LRRC8D: variants seen among roughly 807,000 people sequenced by gnomAD.
The protein encoded by LRRC8D is volume-regulated anion channel subunit LRRC8D.
Under a neutral mutation model 55.8 loss-of-function variants are expected in LRRC8D, and 20 were observed. The ratio of observed to expected loss-of-function variants is 0.36; its 90% CI spans 0.25 to 0.52. The LOEUF is 0.52. Among genes scored for constraint, LRRC8D ranks in the 20% least tolerant of loss-of-function variants. LRRC8D has a pLI of 0.93. For missense variants in LRRC8D, 651 were observed against 1,030.8 expected, an observed-to-expected ratio of 0.63 and a Z score of 5.05; for synonymous variants, 352 against 377.0, an observed-to-expected ratio of 0.93 and a Z score of 0.77.
chr1:89,837,277 G>C (rs1661024003), intron 1 of LRRC8D, among the ~76,000 whole-genome samples: 1 of 152,042 alleles, frequency 6.6e-6, no homozygotes, highest in Admixed American at 6.6e-5. Flanking sequence ...TGTGGCCCAG[G>C]CTCTGCATCC....
chr1:89,829,802 G>A (rs544087678), intron 1 of LRRC8D, among the ~76,000 whole-genome samples: 1 of 152,104 alleles, frequency 6.6e-6, no homozygotes, highest in Non-Finnish European at 1.5e-5. Flanking sequence ...GAATTGAGAG[G>A]GTAACTTTAA....
chr1:89,933,966 G>T lies in LRRC8D; in HGVS notation c.898G>T (p.Asp300Tyr). The T allele has an allele frequency of 6.2e-7, 1 of 1,614,182 alleles. No homozygotes were observed. Among genetic ancestry groups the T allele is most frequent in the Non-Finnish European group, 8.5e-7 (1 of 1,180,016 alleles). Residue 300 changes from aspartate to tyrosine, a missense_variant, in exon 3 of 3, where the codon GAT (aspartate) becomes TAT (tyrosine). Physicochemically the swap from Asp to Tyr is radical, Grantham distance 160. This residue lies in a region of LRRC8D where 178 missense variants were observed against 374.9 expected (regional missense o/e 0.47). Coordinates refer to ENST00000337338, the MANE Select transcript of LRRC8D (RefSeq NM_001134479.2). The surrounding 1 kb of genome is among the most constrained non-coding windows in gnomAD (Gnocchi z 7.0). ...GAGGAAGTTCCGTGCCCATGTGGAA[G>T]ATAGTGACTTGATCTATAAACTCTA... ...KVRKFRAHVEDSDLIYKLYVV... is the reference protein window; with the variant it reads ...KVRKFRAHVEYSDLIYKLYVV...
chr1:89,876,907 T>TA (rs1398113045), intron 2 of LRRC8D, among the ~76,000 whole-genome samples: 1 of 152,238 alleles, frequency 6.6e-6, no homozygotes, highest in East Asian at 1.9e-4. Context: ...TCCAATTTGG[T>TA]AGCCACTGGC....
At chr1:89,846,627 C>A (rs1252384484) in intron 2 of LRRC8D, 1 of 152,100 alleles carries the variant, frequency 6.6e-6, no homozygotes, top group African/African-American at 2.4e-5. Flanking sequence ...TTTCGTTATA[C>A]CTCTTCACTC....
At chr1:89,824,964 A>G (rs1237575081) in intron 1 of LRRC8D, among the ~76,000 whole-genome samples, 2 of 152,216 alleles carry the variant, frequency 1.3e-5, no homozygotes, top group African/African-American at 4.8e-5. Flanking sequence ...TGTTTTGGAT[A>G]GTCAAAACCC....
At chr1:89,910,859 T>TA (rs1663117726) in intron 2 of LRRC8D, among the ~76,000 whole-genome samples, 1 of 152,126 alleles carries the variant, frequency 6.6e-6, no homozygotes, top group Non-Finnish European at 1.5e-5. Flanking sequence ...GTAGCCTCAG[T>TA]GTTGAATGGC....
At chr1:89,835,778 C>T (rs1660991867) in intron 1 of LRRC8D, among the ~76,000 whole-genome samples, 1 of 152,238 alleles carries the variant, frequency 6.6e-6, no homozygotes, top group Non-Finnish European at 1.5e-5. Flanking sequence ...GTTCCTGGCA[C>T]ATAGTTAACA....
At chr1:89,832,618 T>C (rs993366501) in intron 1 of LRRC8D, among the ~76,000 whole-genome samples, 1 of 152,226 alleles carries the variant, frequency 6.6e-6, no homozygotes, top group African/African-American at 2.4e-5. Context: ...GTTCAGGTTT[T>C]CTTGCACTGT....
intron 1 of LRRC8D, among the ~76,000 whole-genome samples, chr1:89,833,088 A>T (rs961038564): frequency 6.6e-6 from 1 of 152,212 alleles, no homozygotes; most frequent in African/African-American, 2.4e-5. Flanking sequence ...GGACTCCTTC[A>T]TTGCCCCTTG....
chr1:89,924,795 T>G (rs1198166571), intron 2 of LRRC8D, among the ~76,000 whole-genome samples: 1 of 152,180 alleles, frequency 6.6e-6, no homozygotes, highest in Admixed American at 6.5e-5. Context: ...GCCATTATCC[T>G]AGGCATAGTA....
At chr1:89,821,770 C>A (rs921572497) in intron 1 of LRRC8D, among the ~76,000 whole-genome samples, 3 of 152,024 alleles carry the variant, frequency 2.0e-5, no homozygotes, top group African/African-American at 7.2e-5. Flanking sequence ...CCTCCGCTTC[C>A]TTCCTGTGCA....
chr1:89,834,603 A>G (rs1660962813), intron 1 of LRRC8D, among the ~76,000 whole-genome samples: 1 of 152,248 alleles, frequency 6.6e-6, no homozygotes, highest in Admixed American at 6.5e-5. Context: ...GCATGTAAAC[A>G]GTTTAGTATA....
intron 2 of LRRC8D, among the ~76,000 whole-genome samples, chr1:89,886,327 G>A (rs1233792652): frequency 1.3e-5 from 2 of 152,132 alleles, no homozygotes; most frequent in African/African-American, 4.8e-5. Context: ...CTTCTTAAGG[G>A]ATGGAAGTTA....
At chr1:89,835,878 G>A (rs1267894457) in intron 1 of LRRC8D, among the ~76,000 whole-genome samples, 1 of 152,176 alleles carries the variant, frequency 6.6e-6, no homozygotes, top group Non-Finnish European at 1.5e-5. Flanking sequence ...CGCGTATTGA[G>A]GGCTTCACCT....
chr1:89,885,322 ATTGTTT>A (rs1412316867), intron 2 of LRRC8D, among the ~76,000 whole-genome samples: 1 of 152,190 alleles, frequency 6.6e-6, no homozygotes, highest in African/African-American at 2.4e-5. Flanking sequence ...TGCATATAGC[ATTGTTT>A]ATAAAGTATG....
intron 2 of LRRC8D, among the ~76,000 whole-genome samples, chr1:89,919,848 C>G (rs961096610): frequency 3.3e-5 from 5 of 152,126 alleles, no homozygotes; most frequent in African/African-American, 1.2e-4. Flanking sequence ...ATCCCCAGAA[C>G]CCTATAGCAA....
intron 2 of LRRC8D, among the ~76,000 whole-genome samples, chr1:89,892,165 A>G (rs1037807276): frequency 6.6e-6 from 1 of 152,196 alleles, no homozygotes; most frequent in Non-Finnish European, 1.5e-5. Flanking sequence ...CAATGATAAA[A>G]TGCTGGATAT....
In LRRC8D at chr1:89,935,745, A is replaced by C; in HGVS notation, c.*100A>C. On this transcript the variant is annotated 3_prime_UTR_variant, in exon 3 of 3. Coordinates refer to ENST00000337338, the MANE Select transcript of LRRC8D (RefSeq NM_001134479.2). The stretch of plus-strand genomic sequence containing the variant: ...AAGATAATGCATTTTAGGAGTAGAT[A>C]CATCTTTTAAAATAAAACAGAGAGG... 1 of 1,053,232 alleles carries C rather than the reference A, an allele frequency of 9.5e-7. No homozygotes were observed. Among genetic ancestry groups the C allele is most frequent in the Non-Finnish European group, 1.4e-6 (1 of 718,956 alleles). The allele number at this position is 1,053,232 out of a possible 1,614,324, so 65.2% of individuals were successfully genotyped here.
At chr1:89,892,822 A>T (rs1198980130) in intron 2 of LRRC8D, among the ~76,000 whole-genome samples, 1 of 152,194 alleles carries the variant, frequency 6.6e-6, no homozygotes, top group Non-Finnish European at 1.5e-5. Context: ...GCCTGGCCGT[A>T]GATTGATATT....
Sources: gnomAD v4.1 joint callset for allele counts (sites outside exome capture counted in the v4.1 genomes callset) on GRCh38, gnomAD v4.1.1 for gene constraint, gnomAD v4.1.1 regional missense constraint, Gnocchi (gnomAD v3.1) non-coding constraint, MANE v1.5 for transcripts, NCBI Gene and HGNC (gene_info 2026-07-23, HGNC 2026-07-21) for gene names.